The following AEBP2 variants were observed in gnomAD, a reference collection of about 807,000 sequenced individuals.
The protein encoded by AEBP2 is zinc finger protein AEBP2.
AEBP2 carries 10 observed loss-of-function variants against 50.8 expected under a neutral mutation model. The ratio of observed to expected loss-of-function variants is 0.20; its 90% CI spans 0.12 to 0.33. The LOEUF is 0.33. Among genes scored for constraint, AEBP2 ranks in the 10% least tolerant of loss-of-function variants. The pLI, the probability that AEBP2 is intolerant of heterozygous loss-of-function variation, is 1.00. For synonymous variants in AEBP2, 296 were observed against 261.3 expected (o/e 1.13, Z -1.28); for missense variants, 570 against 688.0 (o/e 0.83, Z 1.92).
chr12:19,472,055 A>G (rs548746462), intron 2 of AEBP2, among the ~76,000 whole-genome samples: 1 of 152,272 alleles, frequency 6.6e-6, no homozygotes, highest in African/African-American at 2.4e-5. Flanking sequence ...AGTCTTGTCA[A>G]ATGGCAGTGG....
rs201442136 is a variant in AEBP2, at chr12:19,483,983, A to G, written c.988-9817A>G. On this transcript the variant is annotated intron_variant, in intron 3 of 7. Coordinates refer to ENST00000266508, the MANE Select transcript of AEBP2 (RefSeq NM_153207.5). ...ATCAGTAATGTTAGAGTGTCTGCCT[A>G]ATGTTGGAGTGTCTCCAAGGCTTTG... 1.4e-4 allele frequency among the ~76,000 whole-genome samples: 22 copies of G among 152,280 alleles called. No individual in the cohort carries two copies. In the East Asian group the frequency reaches 2.5e-3, roughly 17 times the overall value.
chr12:19,430,794 A>G (rs1039883341), intron 1 of AEBP2, among the ~76,000 whole-genome samples: 8 of 152,168 alleles, frequency 5.3e-5, no homozygotes, highest in Non-Finnish European at 8.8e-5. Context: ...TTATTGGTGT[A>G]TAAGAATGCT....
At chr12:19,463,697 G>C in intron 2 of AEBP2, among the ~76,000 whole-genome samples, 1 of 109,344 alleles carries the variant, frequency 9.1e-6, no homozygotes, top group East Asian at 2.8e-4. Context: ...TTTTTGAGAC[G>C]GAGTCTCACT....
intron 1 of AEBP2, among the ~76,000 whole-genome samples, chr12:19,430,145 A>AT (rs2095750692): frequency 6.6e-6 from 1 of 152,006 alleles, no homozygotes; most frequent in Admixed American, 6.6e-5. Flanking sequence ...TCTTGAATTG[A>AT]TTTTTGTATA....
chr12:19,504,383 C>G (rs1404466311), intron 5 of AEBP2, among the ~76,000 whole-genome samples: 2 of 151,148 alleles, frequency 1.3e-5, no homozygotes, highest in African/African-American at 4.9e-5. Flanking sequence ...TACAGGCGCC[C>G]CCCCCACCAC....
At chr12:19,440,544 C>T in intron 1 of AEBP2, 174 bp downstream of exon 1, 3 of 1,378,910 alleles carry the variant, frequency 2.2e-6, no homozygotes, top group Non-Finnish European at 2.8e-6. Flanking sequence ...CCTCTCGCAG[C>T]GCATCGCGGC....
chr12:19,456,963 A>C, intron 1 of AEBP2: 2 of 1,540,860 alleles, frequency 1.3e-6, no homozygotes, highest in Non-Finnish European at 1.8e-6. Flanking sequence ...GCATGGTTCC[A>C]CTGGTATTGC....
chr12:19,486,548 G>T (rs149125769), intron 3 of AEBP2, among the ~76,000 whole-genome samples: 2 of 151,898 alleles, frequency 1.3e-5, no homozygotes, highest in African/African-American at 4.8e-5. Context: ...GTGCTACCAC[G>T]TCCAGCTAAT....
intron 3 of AEBP2, among the ~76,000 whole-genome samples, chr12:19,480,469 T>G (rs1199464897): frequency 1.3e-5 from 2 of 152,206 alleles, no homozygotes; most frequent in Non-Finnish European, 2.9e-5. Context: ...TTTTAGCATT[T>G]CTTGTAGTGC....
intron 3 of AEBP2, among the ~76,000 whole-genome samples, chr12:19,484,685 T>C (rs978043155): frequency 6.6e-6 from 1 of 152,172 alleles, no homozygotes; most frequent in African/African-American, 2.4e-5. Flanking sequence ...TCTTAATAGT[T>C]TTAATTAGTA....
intron 1 of AEBP2, chr12:19,413,399 C>T (rs1006259584): frequency 2.9e-6 from 3 of 1,042,530 alleles, no homozygotes; most frequent in Non-Finnish European, 4.5e-6. Flanking sequence ...ACAGAAAAGA[C>T]AACAACAGTG....
At chr12:19,489,540 T>G (rs1487063391) in intron 3 of AEBP2, among the ~76,000 whole-genome samples, 2 of 152,216 alleles carry the variant, frequency 1.3e-5, no homozygotes, top group Admixed American at 6.5e-5. Flanking sequence ...TTTCCCCTCA[T>G]CATTGAAATC....
At chr12:19,405,891 T>C (rs2095735969) in intron 1 of AEBP2, among the ~76,000 whole-genome samples, 1 of 151,656 alleles carries the variant, frequency 6.6e-6, no homozygotes, top group Admixed American at 6.6e-5. Flanking sequence ...AACCTCCACC[T>C]CCCGAGTTCA....
chr12:19,413,054 C>T (rs1289361244), intron 1 of AEBP2: 2 of 507,252 alleles, frequency 3.9e-6, no homozygotes, highest in Admixed American at 3.0e-5. Context: ...CCTGGCGGGC[C>T]TGGATCCAAG....
intron 1 of AEBP2, among the ~76,000 whole-genome samples, chr12:19,460,729 A>C (rs1325149898): frequency 6.8e-6 from 1 of 148,114 alleles, no homozygotes; most frequent in African/African-American, 2.5e-5. Context: ...ATCTCTGCTC[A>C]CAGCAGTCTC....
chr12:19,509,820 C>CTTT lies in AEBP2; in HGVS notation c.1300-2554_1300-2552dup, dbSNP rs57103167. 1.8e-3 allele frequency among the ~76,000 whole-genome samples: 121 copies of CTTT among 68,772 alleles called. 13 individuals carry two copies. Among genetic ancestry groups the CTTT allele is most frequent in the African/African-American group, 6.1e-3 (105 of 17,142 alleles). 45.1% of individuals were successfully genotyped at this position (68,772 alleles called of 152,430 possible). A position where few individuals can be genotyped will look rare whatever the true frequency, so the allele number is the denominator to read the frequency against. ...ATAATATTAGTAACATGGCTACTTT[C>CTTT]TTTTTTTTTTTTTTTTTTTTTTTTT... On this transcript the variant is annotated intron_variant, in intron 5 of 7. Transcript: ENST00000266508.
intron 1 of AEBP2, among the ~76,000 whole-genome samples, chr12:19,452,873 A>G (rs1015914535): frequency 2.0e-5 from 3 of 151,708 alleles, no homozygotes; most frequent in African/African-American, 4.8e-5. Flanking sequence ...ACCTGTTAAT[A>G]TGATTAGATT....
intron 1 of AEBP2, among the ~76,000 whole-genome samples, chr12:19,424,594 C>T (rs12230747): frequency 0.023 from 3,367 of 148,330 alleles, 45 homozygotes; most frequent in East Asian, 0.047. Context: ...GACGGGGTTT[C>T]ACCCTGTTAG....
At chr12:19,485,272 C>T (rs1250963044) in intron 3 of AEBP2, among the ~76,000 whole-genome samples, 5 of 151,814 alleles carry the variant, frequency 3.3e-5, no homozygotes, top group Non-Finnish European at 7.4e-5. Flanking sequence ...AAGAAATTGT[C>T]TTTGAAAGAA....
Sources: gnomAD v4.1 joint callset for allele counts (sites outside exome capture counted in the v4.1 genomes callset) on GRCh38, gnomAD v4.1.1 for gene constraint, MANE v1.5 for transcripts, NCBI Gene and HGNC (gene_info 2026-07-23, HGNC 2026-07-21) for gene names.